The following TLL2 variants were observed in gnomAD, a reference collection of about 807,000 sequenced individuals.
The protein encoded by TLL2 is tolloid like 2, also known as tolloid-like protein 2.
A neutral mutation model predicts 123.0 loss-of-function variants in TLL2; 106 were observed. The observed-to-expected ratio is 0.86, with a 90% CI of 0.74 to 1.01. The LOEUF (loss-of-function observed/expected upper bound fraction) is 1.01, where lower values mean the gene tolerates loss of function less well. Ranked by LOEUF, TLL2 falls within the 50% of genes least tolerant of loss-of-function variation. TLL2 has a pLI of 0.00. For missense variants in TLL2, 1,332 were observed against 1,336.7 expected, an observed-to-expected ratio of 1.00 and a Z score of 0.06; for synonymous variants, 494 against 516.8, an observed-to-expected ratio of 0.96 and a Z score of 0.60.
rs61677125 is a variant in TLL2 at position 96,487,588 on chromosome 10, G to T, written c.176-7129C>A. 4.3e-3 allele frequency among the ~76,000 whole-genome samples: 656 copies of T among 152,268 alleles called. 3 individuals are homozygous for T. The highest frequency in any genetic ancestry group is 0.017 in the Middle Eastern group (5 of 294). ...GTAGGTGGAGTTGGGGGAGGGAGAG[G>T]AGATCATGTTCTCTGTAATGCTTTA... On this transcript the variant is annotated intron_variant, in intron 1 of 20. Coordinates refer to ENST00000357947, the MANE Select transcript of TLL2 (RefSeq NM_012465.4).
intron 5 of TLL2, among the ~76,000 whole-genome samples, chr10:96,426,551 A>G (rs1316358664): frequency 6.6e-6 from 1 of 152,132 alleles, no homozygotes. Context: ...TTTGTGGGAG[A>G]TGGCTTTTTC....
chr10:96,491,314 G>A (rs1276758501), intron 1 of TLL2, among the ~76,000 whole-genome samples: 17 of 151,438 alleles, frequency 1.1e-4, no homozygotes, highest in Non-Finnish European at 2.2e-4. Context: ...TCCAGGAGGC[G>A]GAGGTTGCAG....
intron 1 of TLL2, among the ~76,000 whole-genome samples, chr10:96,485,983 G>GT (rs397822400): frequency 2.0e-5 from 3 of 151,824 alleles, no homozygotes; most frequent in Non-Finnish European, 4.4e-5. Context: ...GAAGCAGGGG[G>GT]TGGGAGAAGG....
intron 7 of TLL2, among the ~76,000 whole-genome samples, chr10:96,420,324 C>A (rs1390112577): frequency 2.0e-5 from 3 of 152,232 alleles, no homozygotes; most frequent in African/African-American, 7.2e-5. Context: ...TTAATGTCTG[C>A]TAGGCGCAGC....
At chr10:96,423,091 G>A (rs1371593974) in intron 5 of TLL2, among the ~76,000 whole-genome samples, 3 of 144,760 alleles carry the variant, frequency 2.1e-5, no homozygotes, top group Non-Finnish European at 4.5e-5. Flanking sequence ...TCACGCCACT[G>A]CACTCCAGCC....
intron 20 of TLL2, among the ~76,000 whole-genome samples, chr10:96,369,113 C>A (rs1047806664): frequency 1.3e-5 from 2 of 152,188 alleles, no homozygotes; most frequent in Admixed American, 6.5e-5. Flanking sequence ...GCTTGAGCGA[C>A]CGGGCCTCCA....
intron 1 of TLL2, among the ~76,000 whole-genome samples, chr10:96,485,009 G>A (rs1056587320): frequency 3.9e-5 from 6 of 152,098 alleles, no homozygotes; most frequent in Admixed American, 1.3e-4. Flanking sequence ...TTTCTAGGTC[G>A]GAGTTTCCCA....
chr10:96,456,602 C>A lies in TLL2; in HGVS notation c.287-10434G>T, dbSNP rs920308098. On this transcript the variant is annotated intron_variant, in intron 2 of 20. Transcript: ENST00000357947. Reference sequence around the variant, plus strand: ...AGAAGTCCTTGAAGACTGAGCAGGTCCTTCCTCAGGAATAGAAAATTGTCC... The same window carrying A: ...AGAAGTCCTTGAAGACTGAGCAGGTACTTCCTCAGGAATAGAAAATTGTCC... Among the ~76,000 whole-genome samples, 50 of 152,348 alleles carry A rather than the reference C, an allele frequency of 3.3e-4. No individual in the cohort carries two copies. The Middle Eastern group carries it at 0.014, about 41-fold the overall frequency.
At chr10:96,395,505 T>C in intron 12 of TLL2, 123 bp from the exon 13 acceptor site, 1 of 957,584 alleles carries the variant, frequency 1.0e-6, no homozygotes, top group South Asian at 1.9e-5. Flanking sequence ...CCCAAGTGTG[T>C]CCCAGGTCTC....
At chr10:96,504,726 GC>G (rs1847562696) in intron 1 of TLL2, among the ~76,000 whole-genome samples, 1 of 152,244 alleles carries the variant, frequency 6.6e-6, no homozygotes, top group Non-Finnish European at 1.5e-5. Context: ...CTGCCTGAGG[GC>G]CAGGAGCAGT....
chr10:96,505,579 A>G (rs1354793605), intron 1 of TLL2, among the ~76,000 whole-genome samples: 1 of 152,234 alleles, frequency 6.6e-6, no homozygotes, highest in Admixed American at 6.5e-5. Context: ...CCACATTCAT[A>G]GATAAGGACA....
chr10:96,450,750 A>C (rs909807543), intron 2 of TLL2, among the ~76,000 whole-genome samples: 1 of 152,166 alleles, frequency 6.6e-6, no homozygotes, highest in Admixed American at 6.5e-5. Flanking sequence ...AACAAGGAAG[A>C]GAGAAACAGC....
intron 7 of TLL2, among the ~76,000 whole-genome samples, chr10:96,416,965 C>CA (rs546398591): frequency 1.3e-3 from 198 of 152,314 alleles, no homozygotes; most frequent in Non-Finnish European, 2.1e-3. Context: ...CTTTGCCCAG[C>CA]AAAACCTCCA....
chr10:96,495,009 C>T (rs1847456547), intron 1 of TLL2, among the ~76,000 whole-genome samples: 1 of 152,170 alleles, frequency 6.6e-6, no homozygotes, highest in East Asian at 1.9e-4. Flanking sequence ...ACTGACCTTA[C>T]GTTTGATTTC....
intron 16 of TLL2, among the ~76,000 whole-genome samples, chr10:96,380,738 G>A (rs532611529): frequency 3.8e-4 from 55 of 146,020 alleles, no homozygotes; most frequent in Middle Eastern, 4.0e-3. Context: ...GCAGAAGAGA[G>A]GCCAGGCGTG....
rs57395382 is a variant in TLL2, at chr10:96,380,692, CAAAAAAAAAAAAA to C, written c.2195-1613_2195-1601del. On this transcript the variant is annotated intron_variant, in intron 16 of 20. Coordinates refer to ENST00000357947, the MANE Select transcript of TLL2 (RefSeq NM_012465.4). The stretch of plus-strand genomic sequence containing the variant: ...TGGGCGACAGAGCGAGACTCTATCT[CAAAAAAAAAAAAA>C]AAAAAAAAAAAAAAAAAAGAATGCA... 3.7e-3 allele frequency among the ~76,000 whole-genome samples: 199 copies of C among 53,114 alleles called. 3 individuals are homozygous for C. The highest frequency in any genetic ancestry group is 5.2e-3 in the Non-Finnish European group (158 of 30,308). The allele number at this position is 53,114 out of a possible 152,430, so 34.8% of individuals were successfully genotyped here. A position where few individuals can be genotyped will look rare whatever the true frequency, so the allele number is the denominator to read the frequency against.
intron 1 of TLL2, among the ~76,000 whole-genome samples, chr10:96,498,526 C>A (rs1476614415): frequency 6.6e-6 from 1 of 152,180 alleles, no homozygotes; most frequent in Admixed American, 6.5e-5. Context: ...GCAGAGATTG[C>A]TCATTGTCCA....
intron 2 of TLL2, among the ~76,000 whole-genome samples, chr10:96,478,608 T>C (rs1045020012): frequency 2.6e-5 from 4 of 152,064 alleles, no homozygotes; most frequent in African/African-American, 9.7e-5. Flanking sequence ...GAAGAACAAA[T>C]AAACCAGAGT....
At chr10:96,432,351 G>C (rs546007690) in intron 4 of TLL2, among the ~76,000 whole-genome samples, 2 of 152,116 alleles carry the variant, frequency 1.3e-5, no homozygotes, top group African/African-American at 4.8e-5. Context: ...TGGACCCAGG[G>C]AGTCGAGCCA....
Sources: allele counts gnomAD v4.1 joint callset (sites outside exome capture counted in the v4.1 genomes callset), GRCh38; gene constraint gnomAD v4.1.1; transcripts MANE v1.5; gene names NCBI Gene and HGNC (gene_info 2026-07-23, HGNC 2026-07-21).